Variants in MAOB observed in about 807,000 individuals in gnomAD.
MAOB encodes amine oxidase [flavin-containing] B.
In MAOB, 15 loss-of-function variants were observed where a neutral mutation model predicts 41.9. The observed-to-expected ratio is 0.36, with a 90% CI of 0.24 to 0.55. The LOEUF is 0.55. Ranked by LOEUF, MAOB falls within the 20% of genes least tolerant of loss-of-function variation. The pLI is 0.86. For missense variants in MAOB, 345 were observed against 398.7 expected (o/e 0.87, Z 1.15); for synonymous variants, 167 against 144.2 (o/e 1.16, Z -1.13).
intron 1 of MAOB, among the ~76,000 whole-genome samples, chrX:43,848,383 CA>C (rs2035225621): frequency 9.0e-6 from 1 of 111,720 alleles, no homozygotes; most frequent in South Asian, 3.7e-4. Context: ...GACTCTTTCC[CA>C]GTTTAAAGTT....
At chrX:43,774,910 C>T (rs992483490) in intron 12 of MAOB, among the ~76,000 whole-genome samples, 3 of 111,451 alleles carry the variant, frequency 2.7e-5, no homozygotes, top group Non-Finnish European at 5.7e-5. Context: ...GGGTAAAATG[C>T]TATTCTTATG....
intron 1 of MAOB, among the ~76,000 whole-genome samples, chrX:43,867,837 C>T (rs2035375644): frequency 8.9e-6 from 1 of 112,209 alleles, no homozygotes; most frequent in Admixed American, 9.4e-5. Context: ...TTGCAGATAT[C>T]ATTTTTCACC....
intron 8 of MAOB, among the ~76,000 whole-genome samples, chrX:43,783,977 TC>T (rs1351362382): frequency 8.9e-6 from 1 of 112,174 alleles, no homozygotes; most frequent in Non-Finnish European, 1.9e-5. Flanking sequence ...AGGAGGAGTT[TC>T]CATCTCAAGA....
At chrX:43,843,527 G>C (rs1208328194) in intron 2 of MAOB, 143 bp downstream of exon 2, 1 of 489,074 alleles carries the variant, frequency 2.0e-6, no homozygotes, top group African/African-American at 2.4e-5. Context: ...CAAACTGGGA[G>C]AGAGGCTGTG....
At chrX:43,876,879 CAG>C (rs750952573) in intron 1 of MAOB, among the ~76,000 whole-genome samples, 180 of 111,885 alleles carry the variant, frequency 1.6e-3, no homozygotes, top group African/African-American at 5.2e-3. Context: ...TTCAAATGCA[CAG>C]CCACAAACCA....
intron 3 of MAOB, among the ~76,000 whole-genome samples, chrX:43,827,914 G>C (rs189132457): frequency 9.0e-6 from 1 of 111,672 alleles, no homozygotes; most frequent in Admixed American, 9.5e-5. Flanking sequence ...AGAAACCTTA[G>C]CTCCAGCCTG....
chrX:43,844,245 A>C (rs2035174326), intron 1 of MAOB, among the ~76,000 whole-genome samples: 1 of 111,649 alleles, frequency 9.0e-6, no homozygotes, highest in South Asian at 3.8e-4. Flanking sequence ...AAGTTTCAAA[A>C]TCAAGGAGGT....
At chrX:43,783,785 CT>C (rs1358729860) in intron 8 of MAOB, among the ~76,000 whole-genome samples, 2 of 111,559 alleles carry the variant, frequency 1.8e-5, no homozygotes, top group Admixed American at 9.5e-5. Context: ...CAATTGACTC[CT>C]TTTTTTATGA....
chrX:43,867,963 A>T (rs1390769494), intron 1 of MAOB, among the ~76,000 whole-genome samples: 3 of 112,339 alleles, frequency 2.7e-5, no homozygotes, highest in African/African-American at 9.7e-5. Flanking sequence ...TTTCTTTTTT[A>T]AAATCCCTTT....
intron 3 of MAOB, chrX:43,837,721 TC>T (rs1342770471): frequency 4.1e-6 from 1 of 246,679 alleles, no homozygotes; most frequent in Non-Finnish European, 7.8e-6. Context: ...TCTTCTGTCT[TC>T]TAAGGGGATG....
intron 6 of MAOB, 60 bp from the exon 7 acceptor site, chrX:43,795,948 T>C (rs2034522798): frequency 4.5e-6 from 5 of 1,113,902 alleles, no homozygotes; most frequent in Non-Finnish European, 6.1e-6. Context: ...TGCTAAATTC[T>C]TAGTTGTCCT....
At chrX:43,805,334 T>G (rs1179417880) in intron 3 of MAOB, among the ~76,000 whole-genome samples, 3 of 111,727 alleles carry the variant, frequency 2.7e-5, no homozygotes, top group Non-Finnish European at 5.6e-5. Flanking sequence ...ATTAAATAAT[T>G]TAACATGCAA....
At chrX:43,849,620 C>G (rs2035235161) in intron 1 of MAOB, among the ~76,000 whole-genome samples, 1 of 112,941 alleles carries the variant, frequency 8.9e-6, no homozygotes, top group Non-Finnish European at 1.9e-5. Context: ...GCCGAATGCC[C>G]TTGGGCAGGG....
At chrX:43,784,519 T>C (rs1037003113) in intron 8 of MAOB, among the ~76,000 whole-genome samples, 2 of 112,339 alleles carry the variant, frequency 1.8e-5, no homozygotes, top group African/African-American at 6.5e-5. Context: ...AGAAATCTTT[T>C]TTCTTCTCAG....
chrX:43,794,195 C>T (rs1159461369), intron 7 of MAOB, among the ~76,000 whole-genome samples: 1 of 111,815 alleles, frequency 8.9e-6, no homozygotes, highest in Non-Finnish European at 1.9e-5. Flanking sequence ...GATCACCTTG[C>T]TGTTCCTTGG....
chrX:43,848,721 G>A (rs1225210493), intron 1 of MAOB, among the ~76,000 whole-genome samples: 3 of 111,565 alleles, frequency 2.7e-5, no homozygotes, highest in African/African-American at 9.8e-5. Context: ...GCCCGGCTAA[G>A]TTTTGTACTT....
At chrX:43,779,661 C>G (rs1004135340) in intron 10 of MAOB, among the ~76,000 whole-genome samples, 2 of 111,610 alleles carry the variant, frequency 1.8e-5, no homozygotes, top group African/African-American at 6.5e-5. Context: ...ATCTTATATT[C>G]TAGTGGGGAC....
intron 3 of MAOB, among the ~76,000 whole-genome samples, chrX:43,821,666 T>C (rs2034882369): frequency 9.0e-6 from 1 of 111,610 alleles, no homozygotes; most frequent in Non-Finnish European, 1.9e-5. Flanking sequence ...TCCTTAAATG[T>C]CAATTATTAT....
At chrX:43,867,587 T>G (rs1303365082) in intron 1 of MAOB, among the ~76,000 whole-genome samples, 1 of 112,392 alleles carries the variant, frequency 8.9e-6, no homozygotes, top group Non-Finnish European at 1.9e-5. Flanking sequence ...TTCCTTTCAC[T>G]TAATGTGTGA....
Sources: gnomAD v4.1 joint callset for allele counts (sites outside exome capture counted in the v4.1 genomes callset) on GRCh38, gnomAD v4.1.1 for gene constraint, MANE v1.5 for transcripts, NCBI Gene and HGNC (gene_info 2026-07-23, HGNC 2026-07-21) for gene names.